Variants in CGNL1 observed in about 807,000 individuals in gnomAD.
CGNL1 encodes the protein cingulin-like protein 1.
Under a neutral mutation model 141.2 loss-of-function variants are expected in CGNL1, and 132 were observed. That is an observed-to-expected ratio of 0.93 (90% CI 0.81 to 1.08). CGNL1 has a LOEUF of 1.08. CGNL1 is among the 50% of genes least tolerant of loss of function. The pLI is 0.00. For missense variants in CGNL1, 1,870 were observed against 1,588.6 expected, an observed-to-expected ratio of 1.18 and a Z score of -3.01; for synonymous variants, 690 against 622.1, an observed-to-expected ratio of 1.11 and a Z score of -1.63.
chr15:57,389,961 A>C (rs1344263449), intron 1 of CGNL1, among the ~76,000 whole-genome samples: 1 of 152,088 alleles, frequency 6.6e-6, no homozygotes, highest in East Asian at 1.9e-4. Context: ...GATTACAGGC[A>C]CGTGCCACCA....
intron 8 of CGNL1, among the ~76,000 whole-genome samples, chr15:57,471,879 G>T (rs887523596): frequency 1.3e-5 from 2 of 152,194 alleles, no homozygotes; most frequent in African/African-American, 2.4e-5. Flanking sequence ...CAGGCACTGC[G>T]CTGGGTTGTA....
chr15:57,509,831 T>C (rs1197819660), intron 8 of CGNL1, among the ~76,000 whole-genome samples: 1 of 152,196 alleles, frequency 6.6e-6, no homozygotes, highest in African/African-American at 2.4e-5. Flanking sequence ...TTTAAAGTAA[T>C]GGAAATTTTG....
At chr15:57,533,618 T>C (rs1370660059) in intron 14 of CGNL1, among the ~76,000 whole-genome samples, 2 of 152,220 alleles carry the variant, frequency 1.3e-5, no homozygotes, top group Non-Finnish European at 2.9e-5. Context: ...TCCATGTTTA[T>C]ATCAGAAACA....
In CGNL1 at chr15:57,459,351, G is replaced by A. The variant is rs568858038; in HGVS notation, c.2191-2329G>A. Among the ~76,000 whole-genome samples the A allele has an allele frequency of 1.6e-4, 25 of 152,274 alleles. 1 individual carries two copies. The highest frequency in any genetic ancestry group is 3.9e-4 in the East Asian group (2 of 5,186). On this transcript the variant is annotated intron_variant, in intron 7 of 18. Coordinates refer to ENST00000281282, the MANE Select transcript of CGNL1 (RefSeq NM_032866.5). ...CTTCTTTCAACAAGGATAAGTAGGC[G>A]AGTCAAATGCAGATGAGAAAAATGA...
At chr15:57,449,702 T>C (rs2063298783) in intron 4 of CGNL1, among the ~76,000 whole-genome samples, 1 of 152,238 alleles carries the variant, frequency 6.6e-6, no homozygotes, top group Non-Finnish European at 1.5e-5. Context: ...AAAAATCCTG[T>C]GTGTTCTGCC....
chr15:57,440,226 CGAG>C (rs2063169139), intron 2 of CGNL1, 148 bp from the exon 3 acceptor site: 2 of 614,890 alleles, frequency 3.3e-6, no homozygotes, highest in Admixed American at 2.8e-5. Context: ...AAAATTGAGG[CGAG>C]GAGAAGTTAA....
Position 57,439,479 on chromosome 15 carries a change from G to C in CGNL1, c.1480G>C (p.Glu494Gln). 6.2e-7 allele frequency: 1 copy of C among 1,614,168 alleles called. No homozygotes were observed. The highest frequency in any genetic ancestry group is 8.5e-7 in the Non-Finnish European group (1 of 1,179,990). The part of the protein sequence containing the change: ...APSLGAQSKK[E>Q]EEVKTATATL... Reference sequence around the variant, plus strand: ...CTCCCTTGGTGCACAGAGTAAAAAGGAGGAGGAGGTGAAAACAGCCACCGC... The same window carrying C: ...CTCCCTTGGTGCACAGAGTAAAAAGCAGGAGGAGGTGAAAACAGCCACCGC... Residue 494 changes from glutamate to glutamine, a missense_variant, in exon 2 of 19, where the codon GAG (glutamate) becomes CAG (glutamine). Transcript: ENST00000281282.
Position 57,423,604 on chromosome 15 carries a change from C to T in CGNL1, c.-15-14381C>T, listed in dbSNP as rs186830394. 4.5e-4 allele frequency among the ~76,000 whole-genome samples: 68 copies of T among 152,326 alleles called. No individual in the cohort carries two copies. In the East Asian group the frequency reaches 8.9e-3, roughly 20 times the overall value. ...CTGCATCCCGTCTTGTGCAATGATG[C>T]TCCAGTCTTTGCCTGCTTAATGGTA... On this transcript the variant is annotated intron_variant, in intron 1 of 18. Coordinates refer to ENST00000281282, the MANE Select transcript of CGNL1 (RefSeq NM_032866.5).
intron 8 of CGNL1, among the ~76,000 whole-genome samples, chr15:57,508,155 C>A (rs1025782676): frequency 6.6e-6 from 1 of 152,078 alleles, no homozygotes; most frequent in Admixed American, 6.5e-5. Flanking sequence ...ATTTCCATCT[C>A]TCCCATGCAC....
intron 1 of CGNL1, 56 bp downstream of exon 1, chr15:57,376,623 G>C (rs1290896086): frequency 6.6e-6 from 1 of 152,418 alleles, no homozygotes; most frequent in Non-Finnish European, 1.5e-5. Context: ...CCGGGTTTCG[G>C]GGTGCTAGGG....
chr15:57,454,166 C>T (rs1334637892), intron 7 of CGNL1, among the ~76,000 whole-genome samples: 1 of 152,092 alleles, frequency 6.6e-6, no homozygotes, highest in East Asian at 1.9e-4. Flanking sequence ...GGACTTTTAT[C>T]TCTGCACCCA....
At chr15:57,524,310 G>A (rs149213031) in intron 11 of CGNL1, among the ~76,000 whole-genome samples, 7 of 152,294 alleles carry the variant, frequency 4.6e-5, no homozygotes, top group Non-Finnish European at 7.3e-5. Context: ...GGTTAACGAC[G>A]TGCCCCAGTC....
chr15:57,516,158 CAAAAAAAA>C (rs10559176), intron 8 of CGNL1, among the ~76,000 whole-genome samples: 3 of 73,276 alleles, frequency 4.1e-5, no homozygotes, highest in African/African-American at 5.3e-5. Context: ...GACTCTGTCT[CAAAAAAAA>C]AAAAAAAAAA....
At chr15:57,505,038 G>T (rs1389568713) in intron 8 of CGNL1, among the ~76,000 whole-genome samples, 1 of 152,122 alleles carries the variant, frequency 6.6e-6, no homozygotes, top group African/African-American at 2.4e-5. Flanking sequence ...GGGAGGGGGT[G>T]GCATTTTATT....
In CGNL1 at chr15:57,543,680, G is replaced by A; in HGVS notation, c.3292-16G>A. 6.2e-7 allele frequency: 1 copy of A among 1,609,042 alleles called. No individual in the cohort carries two copies. Among genetic ancestry groups the A allele is most frequent in the Non-Finnish European group, 8.5e-7 (1 of 1,175,556 alleles). On this transcript the variant is annotated splice_polypyrimidine_tract_variant and intron_variant, in intron 14 of 18. Transcript: ENST00000281282. Reference sequence around the variant, plus strand: ...CAGTCCTTCTAACCTCTGGGCTTTTGTTCTGCTTGCTGTAGATGGAGCAGT... The same window carrying A: ...CAGTCCTTCTAACCTCTGGGCTTTTATTCTGCTTGCTGTAGATGGAGCAGT...
chr15:57,456,321 C>G (rs1228985695), intron 7 of CGNL1, among the ~76,000 whole-genome samples: 1 of 152,046 alleles, frequency 6.6e-6, no homozygotes, highest in Non-Finnish European at 1.5e-5. Flanking sequence ...TTTTGCAAGT[C>G]CTGCATAATG....
intron 1 of CGNL1, among the ~76,000 whole-genome samples, chr15:57,419,936 TC>T (rs1340876916): frequency 6.6e-6 from 1 of 152,234 alleles, no homozygotes; most frequent in Non-Finnish European, 1.5e-5. Context: ...TGTCTGCTCT[TC>T]CCCATTTATG....
chr15:57,424,005 C>A (rs1664431), intron 1 of CGNL1, among the ~76,000 whole-genome samples: 148,896 of 152,216 alleles, frequency 0.98, 72,904 homozygotes, highest in Middle Eastern at 1. Context: ...GGCTTTAAGT[C>A]ACACCTCGAA....
chr15:57,516,786 G>A lies in CGNL1; in HGVS notation c.2410G>A (p.Glu804Lys), dbSNP rs781208793. 5 of 1,613,990 alleles carry A rather than the reference G, an allele frequency of 3.1e-6. No individual in the cohort carries two copies. The highest frequency in any genetic ancestry group is 2.2e-5 in the South Asian group (2 of 91,036). Residue 804 changes from glutamate (E) to lysine (K), a missense_variant, in exon 9 of 19, where the codon GAG (glutamate) becomes AAG (lysine). Physicochemically the swap from Glu to Lys is moderately conservative, Grantham distance 56. Coordinates refer to ENST00000281282, the MANE Select transcript of CGNL1 (RefSeq NM_032866.5). ...ESVEEATKNV[E>K]VLASRSNTSE... Reference sequence around the variant, plus strand: ...TGCTTTGTGTTTTTAACAGAATGTCGAGGTCTTGGCGAGCAGGAGCAACAC... The same window carrying A: ...TGCTTTGTGTTTTTAACAGAATGTCAAGGTCTTGGCGAGCAGGAGCAACAC...
Sources: allele counts gnomAD v4.1 joint callset (sites outside exome capture counted in the v4.1 genomes callset), GRCh38; gene constraint gnomAD v4.1.1; transcripts MANE v1.5; gene names NCBI Gene and HGNC (gene_info 2026-07-23, HGNC 2026-07-21).